The following DST variants were observed in gnomAD, a reference collection of about 807,000 sequenced individuals.
The protein encoded by DST is dystonin.
In DST, 253 loss-of-function variants were observed where a neutral mutation model predicts 875.2. The observed-to-expected ratio is 0.29, with a 90% CI of 0.26 to 0.32. The LOEUF (loss-of-function observed/expected upper bound fraction) is 0.32, where lower values mean the gene tolerates loss of function less well. Among genes scored for constraint, DST ranks in the 10% least tolerant of loss-of-function variants. The pLI, the probability that DST is intolerant of heterozygous loss-of-function variation, is 1.00. For synonymous variants in DST, 3,124 were observed against 3,197.1 expected (o/e 0.98, Z 0.77); for missense variants, 8,287 against 9,111.6 (o/e 0.91, Z 3.68).
At chr6:56,686,219 T>C (rs1216621058) in intron 9 of DST, among the ~76,000 whole-genome samples, 1 of 152,180 alleles carries the variant, frequency 6.6e-6, no homozygotes, top group Non-Finnish European at 1.5e-5. Context: ...AAAAACCACA[T>C]TTTCTGACTT....
In DST at chr6:56,900,484, C is replaced by G. The variant is rs1354587145; in HGVS notation, c.354G>C (p.Lys118Asn). 1 of 1,367,734 alleles carries G rather than the reference C, an allele frequency of 7.3e-7. No individual in the cohort carries two copies. The highest frequency in any genetic ancestry group is 1.1e-5 in the South Asian group (1 of 88,048). The allele number at this position is 1,367,734 out of a possible 1,614,324, so 84.7% of individuals were successfully genotyped here. A position where few individuals can be genotyped will look rare whatever the true frequency, so the allele number is the denominator to read the frequency against. ...QETSVRKRRI[K>N]KSSRVQPEFY... ...ATTCTGGCTGGACTCGGCTGCTCTT[C>G]TTGATTCTTCGTTTCCTCACTGAAG... The change falls in exon 3 of 104, where the codon AAG (lysine) becomes AAC (asparagine). Residue 118 changes from lysine (K) to asparagine (N), a missense_variant. Physicochemically the swap from Lys to Asn is moderately conservative, Grantham distance 94 (BLOSUM62 0). This residue lies in a region of DST where 1,160 missense variants were observed against 1,424.3 expected (regional missense o/e 0.81). Coordinates refer to ENST00000680361, the MANE Select transcript of DST (RefSeq NM_001374736.1).
intron 2 of DST, among the ~76,000 whole-genome samples, chr6:56,951,130 G>T (rs1429312076): frequency 6.6e-6 from 1 of 152,146 alleles, no homozygotes; most frequent in African/African-American, 2.4e-5. Context: ...TCCTTCCTGG[G>T]CGTGTGGGTA....
At position 56,603,366 on chromosome 6, in the gene DST, A is replaced by C; in HGVS notation, c.10996T>G (p.Leu3666Val). ...IAVILRKDMK[L>V]AEEFLKSLPS... is the part of the protein sequence containing the mutation. ...AGAGACTTTAAAAACTCTTCTGCCA[A>C]CTTCATATCTTTTCTTAAAATAACA... is the stretch of plus-strand genomic sequence containing the variant. Residue 3666 changes from leucine (L) to valine (V), a missense_variant, in exon 42 of 104, where the codon TTG (leucine) becomes GTG (valine). Physicochemically the swap from Leu to Val is conservative, Grantham distance 32. Around this residue, in one of 10 missense-constraint regions of DST, gnomAD observed 3,138 missense variants for 3,116.6 expected, o/e 1.01. Coordinates refer to ENST00000680361, the MANE Select transcript of DST (RefSeq NM_001374736.1). The C allele has an allele frequency of 6.2e-7, 1 of 1,611,168 alleles. No individual in the cohort carries two copies. The highest frequency in any genetic ancestry group is 1.1e-5 in the South Asian group (1 of 91,010).
intron 15 of DST, among the ~76,000 whole-genome samples, chr6:56,645,527 A>G (rs913563924): frequency 6.6e-5 from 10 of 152,148 alleles, no homozygotes; most frequent in Admixed American, 6.5e-4. Context: ...TAAGAAATAA[A>G]ATCAGCTGTT....
chr6:56,497,269 A>G, intron 82 of DST, 110 bp downstream of exon 82: 1 of 1,300,324 alleles, frequency 7.7e-7, no homozygotes. Context: ...GATTTCTGCC[A>G]TAAACTATAT....
At chr6:56,523,516 TG>T (rs2096743340) in intron 69 of DST, among the ~76,000 whole-genome samples, 1 of 152,166 alleles carries the variant, frequency 6.6e-6, no homozygotes, top group South Asian at 2.1e-4. Context: ...TCTTCCATGC[TG>T]ATGATTAGAA....
At chr6:56,924,609 C>T (rs1806064720) in intron 2 of DST, among the ~76,000 whole-genome samples, 1 of 152,032 alleles carries the variant, frequency 6.6e-6, no homozygotes, top group African/African-American at 2.4e-5. Flanking sequence ...TCTTCGATTT[C>T]TACTAATATT....
chr6:56,529,362 A>C (rs951384006), intron 66 of DST, 86 bp downstream of exon 66: 50 of 1,124,210 alleles, frequency 4.4e-5, no homozygotes, highest in Non-Finnish European at 5.6e-5. Context: ...AAATCATCAT[A>C]AACATAAAAT....
rs745722194 is a variant in DST at position 56,605,345 on chromosome 6, G to A, written c.9283C>T (p.Pro3095Ser). Residue 3095 changes from proline to serine, a missense_variant, in exon 40 of 104, where the codon CCA becomes TCA. Coordinates refer to ENST00000680361, the MANE Select transcript of DST (RefSeq NM_001374736.1). ...FKLINSQFPF[P>S]QITNNEELNQ... ...AGTTCTTCATTGTTTGTGATTTGTG[G>A]AAATGGAAACTGACTATTAATTAAC... 14 of 1,612,474 alleles carry A rather than the reference G, an allele frequency of 8.7e-6. No homozygotes were observed. Among genetic ancestry groups the A allele is most frequent in the South Asian group, 4.4e-5 (4 of 90,990 alleles).
intron 61 of DST, among the ~76,000 whole-genome samples, chr6:56,550,599 G>A (rs751110917): frequency 2.6e-5 from 4 of 152,142 alleles, no homozygotes; most frequent in Non-Finnish European, 4.4e-5. Context: ...GGAGACACCC[G>A]CAAATAGCAG....
chr6:56,653,771 G>A (rs866566755), intron 10 of DST, among the ~76,000 whole-genome samples: 1 of 152,164 alleles, frequency 6.6e-6, no homozygotes, highest in Non-Finnish European at 1.5e-5. Context: ...TCCTAACAGA[G>A]TGGTGGTCCC....
intron 50 of DST, among the ~76,000 whole-genome samples, chr6:56,578,601 T>G (rs186931347): frequency 7.2e-4 from 110 of 152,282 alleles, no homozygotes; most frequent in Admixed American, 5.0e-3. Context: ...AATTTAAATA[T>G]ACTCTTTTCA....
rs143168315 is a variant in DST, at chr6:56,912,507, G to A, written c.217-11886C>T. On this transcript the variant is annotated intron_variant, in intron 2 of 103. Transcript: ENST00000680361. ...AGCACTTCTTTAACCTCTCACAGAT[G>A]AAACCTTAGCCTTTATCCATATACC... Among the ~76,000 whole-genome samples the A allele has an allele frequency of 1.7e-3, 263 of 152,310 alleles. 2 individuals are homozygous for A. The highest frequency in any genetic ancestry group is 0.014 in the Middle Eastern group (4 of 294).
chr6:56,509,420 T>C (rs1367231684), intron 74 of DST, among the ~76,000 whole-genome samples: 1 of 152,202 alleles, frequency 6.6e-6, no homozygotes, highest in East Asian at 1.9e-4. Flanking sequence ...TCTTTATACA[T>C]GGTCTATGTA....
At chr6:56,466,396 GA>G (rs34370097) in intron 98 of DST, 586 of 343,784 alleles carry the variant, frequency 1.7e-3, no homozygotes, top group Middle Eastern at 5.8e-3. Context: ...GAAACAGTTT[GA>G]AAAAAAAAAG....
At chr6:56,902,342 T>A (rs1042030748) in intron 2 of DST, among the ~76,000 whole-genome samples, 3 of 151,986 alleles carry the variant, frequency 2.0e-5, no homozygotes, top group African/African-American at 7.2e-5. Context: ...AAATGAGGAG[T>A]AAGAATTTCA....
intron 10 of DST, among the ~76,000 whole-genome samples, chr6:56,653,144 G>T (rs2098985500): frequency 6.6e-6 from 1 of 152,144 alleles, no homozygotes; most frequent in African/African-American, 2.4e-5. Flanking sequence ...ATCCTAGAGG[G>T]AATGAATAAA....
intron 3 of DST, among the ~76,000 whole-genome samples, chr6:56,879,221 C>A (rs566759359): frequency 2.6e-5 from 4 of 152,280 alleles, no homozygotes; most frequent in Middle Eastern, 3.4e-3. Flanking sequence ...GTAATCCCAG[C>A]ACTTTGGGAG....
chr6:56,554,073 CTTTTTTTTTTTTTTTTTT>C lies in DST; in HGVS notation c.15137-436_15137-419del, dbSNP rs555704557. Among the ~76,000 whole-genome samples the C allele has an allele frequency of 9.9e-5, 8 of 80,820 alleles. No homozygotes were observed. In the Admixed American group the frequency reaches 1.2e-3, roughly 12 times the overall value. The allele number at this position is 80,820 out of a possible 152,430, so 53.0% of individuals were successfully genotyped here. ...AAATATGACTTTTTCGCGTCTATGA[CTTTTTTTTTTTTTTTTTT>C]TTTTTTTTTTTGAGGCAGAGTCTCG... On this transcript the variant is annotated intron_variant, in intron 60 of 103. Transcript: ENST00000680361.
Sources: allele counts gnomAD v4.1 joint callset (sites outside exome capture counted in the v4.1 genomes callset), GRCh38; gene constraint gnomAD v4.1.1; regional missense constraint gnomAD v4.1.1; transcripts MANE v1.5; gene names NCBI Gene and HGNC (gene_info 2026-07-23, HGNC 2026-07-21).